The following MYH10 variants were observed in gnomAD, a reference collection of about 807,000 sequenced individuals.
MYH10 encodes myosin heavy chain 10.
A neutral mutation model predicts 257.8 loss-of-function variants in MYH10; 55 were observed. The ratio of observed to expected loss-of-function variants is 0.21; its 90% CI spans 0.17 to 0.27. MYH10 has a LOEUF of 0.27. Ranked by LOEUF, MYH10 falls within the 10% of genes least tolerant of loss-of-function variation. The pLI is 1.00. For missense variants in MYH10, 1,631 were observed against 2,500.6 expected (o/e 0.65, Z 7.42); for synonymous variants, 854 against 921.7 (o/e 0.93, Z 1.33).
At position 8,542,140 on chromosome 17, in the gene MYH10, A is replaced by G. The variant is rs755819226; in HGVS notation, c.1572T>C (p.Asp524=). 1.2e-5 allele frequency: 20 copies of G among 1,614,162 alleles called. No homozygotes were observed. Among genetic ancestry groups the G allele is most frequent in the Non-Finnish European group, 1.6e-5 (19 of 1,180,016 alleles). Residue 524 remains aspartate, a synonymous_variant, in exon 14 of 43, where the codon GAT becomes GAC. Coordinates refer to ENST00000360416, the MANE Select transcript of MYH10 (RefSeq NM_001256012.3). The part of the protein sequence containing the change: ...IEWNFIDFGL[D]LQPCIDLIER... ...CTATTAGGTCGATGCATGGCTGCAG[A>G]TCCAGCCCGAAATCGATGAAGTTCC...
chr17:8,496,235 C>T (rs1320924378), intron 30 of MYH10, among the ~76,000 whole-genome samples: 3 of 152,232 alleles, frequency 2.0e-5, no homozygotes, highest in South Asian at 2.1e-4. Flanking sequence ...GGGCGCCGTG[C>T]GTTCTCGCTA....
intron 14 of MYH10, among the ~76,000 whole-genome samples, chr17:8,541,455 C>T (rs2082286115): frequency 6.6e-6 from 1 of 151,984 alleles, no homozygotes; most frequent in African/African-American, 2.4e-5. Context: ...ATAAGGAGTA[C>T]AGAACCAGAT....
chr17:8,487,846 C>A (rs1182353185), intron 35 of MYH10, among the ~76,000 whole-genome samples: 2 of 152,180 alleles, frequency 1.3e-5, no homozygotes, highest in African/African-American at 4.8e-5. Flanking sequence ...TGCGAGAAGG[C>A]AGCCAGTGAC....
chr17:8,557,743 G>A (rs1290841346), intron 7 of MYH10, among the ~76,000 whole-genome samples: 2 of 152,022 alleles, frequency 1.3e-5, no homozygotes, highest in Admixed American at 1.3e-4. Flanking sequence ...ACAAAGTCAT[G>A]AACAAAAAAA....
At chr17:8,492,647 TTGCTTTCCC>T in intron 33 of MYH10, 120 bp downstream of exon 33, 1 of 1,198,072 alleles carries the variant, frequency 8.3e-7, no homozygotes, top group East Asian at 2.6e-5. Context: ...TTTTTTTTTT[TTGCTTTCCC>T]TTTTTCCAAT....
intron 2 of MYH10, among the ~76,000 whole-genome samples, chr17:8,608,693 GCAGTTGGAAA>G (rs1324806029): frequency 1.3e-5 from 2 of 152,142 alleles, no homozygotes; most frequent in Admixed American, 6.5e-5. Flanking sequence ...AAAAATATTT[GCAGTTGGAAA>G]CATTTACAAA....
At chr17:8,599,100 C>T (rs2084497910) in intron 3 of MYH10, among the ~76,000 whole-genome samples, 1 of 152,212 alleles carries the variant, frequency 6.6e-6, no homozygotes, top group South Asian at 2.1e-4. Flanking sequence ...CATTCATACT[C>T]ATTAAACACA....
intron 1 of MYH10, among the ~76,000 whole-genome samples, chr17:8,627,043 T>C (rs1472829630): frequency 6.6e-6 from 1 of 152,250 alleles, no homozygotes; most frequent in Non-Finnish European, 1.5e-5. Context: ...GGGGAAATGC[T>C]TGTAATTTAG....
In MYH10 at chr17:8,548,643, C is replaced by T; in HGVS notation, c.1063+1G>A. The T allele has an allele frequency of 6.2e-7, 1 of 1,613,944 alleles. No homozygotes were observed. Among genetic ancestry groups the T allele is most frequent in the Non-Finnish European group, 8.5e-7 (1 of 1,179,940 alleles). On this transcript the variant is annotated splice_donor_variant, in intron 10 of 42. Coordinates refer to ENST00000360416, the MANE Select transcript of MYH10 (RefSeq NM_001256012.3). LOFTEE classifies it high-confidence loss of function. The stretch of plus-strand genomic sequence containing the variant: ...CAGAATCTTAGAGAAATCACACATA[C>T]ACAGAATCTCTTCATGGGAGAAGCC...
chr17:8,552,174 T>A lies in MYH10; in HGVS notation c.821-30A>T. Reference sequence around the variant, plus strand: ...GCAAAGACAGTTAAGAATTAAATTATTTAATATAATTCTTAAATAAATAAA... The same window carrying A: ...GCAAAGACAGTTAAGAATTAAATTAATTAATATAATTCTTAAATAAATAAA... On this transcript the variant is annotated intron_variant, in intron 8 of 42. Transcript: ENST00000360416. This position sits in a 1 kb window ranked among gnomAD's most constrained non-coding sequence, Gnocchi z 4.8. 9.3e-6 allele frequency: 11 copies of A among 1,188,142 alleles called. No homozygotes were observed. Among genetic ancestry groups the A allele is most frequent in the Non-Finnish European group, 1.3e-5 (11 of 864,028 alleles). The allele number at this position is 1,188,142 out of a possible 1,614,324, so 73.6% of individuals were successfully genotyped here. A position where few individuals can be genotyped will look rare whatever the true frequency, so the allele number is the denominator to read the frequency against.
Position 8,490,265 on chromosome 17 carries a change from G to T in MYH10, c.4884+75C>A. 7.7e-7 allele frequency: 1 copy of T among 1,303,402 alleles called. No individual in the cohort carries two copies. Among genetic ancestry groups the T allele is most frequent in the South Asian group, 1.2e-5 (1 of 84,448 alleles). 80.7% of individuals were successfully genotyped at this position (1,303,402 alleles called of 1,614,324 possible). On this transcript the variant is annotated intron_variant, in intron 35 of 42. Transcript: ENST00000360416. This position sits in a 1 kb window ranked among gnomAD's most constrained non-coding sequence, Gnocchi z 4.1. ...TACTCAGATGTGTTCTAACACGAAT[G>T]AACAGGATACTGACCCAGAGCTGGG... is the stretch of plus-strand genomic sequence containing the variant.
chr17:8,614,579 A>T (rs1419039082), intron 2 of MYH10, among the ~76,000 whole-genome samples: 4 of 152,030 alleles, frequency 2.6e-5, no homozygotes, highest in African/African-American at 9.7e-5. Context: ...GGCCTCCCAA[A>T]GTGTTAGGAT....
In MYH10 at chr17:8,489,745, A is replaced by C. The variant is rs201313297; in HGVS notation, c.4884+595T>G. Among the ~76,000 whole-genome samples the C allele has an allele frequency of 6.6e-4, 99 of 150,794 alleles. 1 individual carries two copies. The highest frequency in any genetic ancestry group is 2.3e-3 in the East Asian group (12 of 5,158). On this transcript the variant is annotated intron_variant, in intron 35 of 42. Coordinates refer to ENST00000360416, the MANE Select transcript of MYH10 (RefSeq NM_001256012.3). ...CACACACACACACACACACACACAC[A>C]CCCCAAATCCAAAACTTACTGCCAT...
intron 2 of MYH10, among the ~76,000 whole-genome samples, chr17:8,607,660 A>G (rs531166368): frequency 6.6e-6 from 1 of 152,232 alleles, no homozygotes; most frequent in African/African-American, 2.4e-5. Flanking sequence ...TAGGAAGGCA[A>G]TATGTTGTTA....
chr17:8,490,364 C>A lies in MYH10; in HGVS notation c.4860G>T (p.Glu1620Asp), dbSNP rs1214872700. The change falls in exon 35 of 43, where the codon GAG (glutamate) becomes GAT (aspartate). Residue 1620 changes from glutamate to aspartate, a missense_variant. Transcript: ENST00000360416. The surrounding 1 kb of genome is among the most constrained non-coding windows in gnomAD (Gnocchi z 4.1). ...CCTGTTTGATCAGCAGCCGCTTCTT[C>A]TCTTCATTCTGCTCATCCCTGGTTT... ...DLQTRDEQNEEKKRLLIKQVR... is the reference protein window; with the variant it reads ...DLQTRDEQNEDKKRLLIKQVR... 1.2e-6 allele frequency: 2 copies of A among 1,614,072 alleles called. No homozygotes were observed. Among genetic ancestry groups the A allele is most frequent in the Non-Finnish European group, 1.7e-6 (2 of 1,180,020 alleles).
intron 4 of MYH10, among the ~76,000 whole-genome samples, chr17:8,584,471 G>A (rs1256964793): frequency 6.6e-6 from 1 of 152,272 alleles, no homozygotes; most frequent in East Asian, 1.9e-4. Context: ...GGTACAAAGA[G>A]TGGGCTGATA....
In MYH10 at chr17:8,604,845, A is replaced by G. The variant is rs745402575; in HGVS notation, c.483T>C (p.Ala161=). The G allele has an allele frequency of 6.4e-7, 1 of 1,570,642 alleles. No individual in the cohort carries two copies. Among genetic ancestry groups the G allele is most frequent in the South Asian group, 1.2e-5 (1 of 81,398 alleles). ...AATTACCTTGAAGCATGCATCTGTAAGCAGATTCAGATATAGCATAGATGT... is the reference window on the plus strand; with the variant it reads ...AATTACCTTGAAGCATGCATCTGTAGGCAGATTCAGATATAGCATAGATGT... ...PPHIYAISES[A]YRCMLQDRED... is the part of the protein sequence containing the mutation. Residue 161 remains alanine (A), a synonymous_variant, in exon 3 of 43, where the codon GCT becomes GCC. Coordinates refer to ENST00000360416, the MANE Select transcript of MYH10 (RefSeq NM_001256012.3).
In MYH10 at chr17:8,504,699, T is replaced by G. The variant is rs2081018457; in HGVS notation, c.3594A>C (p.Glu1198Asp). 1 of 1,613,740 alleles carries G rather than the reference T, an allele frequency of 6.2e-7. No homozygotes were observed. ...GCTTCCTCTCCCACACTCACCGTAG[T>G]TCCTGCTGGGCTGCCGTGGTGTCCA... ...DTLDTTAAQQ[E>D]LRTKREQEVA... The change falls in exon 28 of 43, where the codon GAA (glutamate) becomes GAC (aspartate). Residue 1198 changes from glutamate (E) to aspartate (D), a missense_variant. Around this residue, in one of 11 missense-constraint regions of MYH10, gnomAD observed 7 missense variants for 37.1 expected, o/e 0.19. Coordinates refer to ENST00000360416, the MANE Select transcript of MYH10 (RefSeq NM_001256012.3). This position sits in a 1 kb window ranked among gnomAD's most constrained non-coding sequence, Gnocchi z 5.6.
Position 8,550,534 on chromosome 17 carries a change from G to A in MYH10, c.919+1512C>T, listed in dbSNP as rs1271145427. 8.2e-4 allele frequency among the ~76,000 whole-genome samples: 123 copies of A among 149,580 alleles called. 1 individual carries two copies. The highest frequency in any genetic ancestry group is 3.0e-3 in the African/African-American group (122 of 40,446). On this transcript the variant is annotated intron_variant, in intron 9 of 42. Coordinates refer to ENST00000360416, the MANE Select transcript of MYH10 (RefSeq NM_001256012.3). ...AGGGAGGTGGGGGGGACAGCCCCCC[G>A]CCCGGCCAGCCGCCCTGCCCGGGAG...
Sources: gnomAD v4.1 joint callset for allele counts (sites outside exome capture counted in the v4.1 genomes callset) on GRCh38, gnomAD v4.1.1 for gene constraint, gnomAD v4.1.1 regional missense constraint, Gnocchi (gnomAD v3.1) non-coding constraint, MANE v1.5 for transcripts, NCBI Gene and HGNC (gene_info 2026-07-23, HGNC 2026-07-21) for gene names.